Variants in ETV6 observed in about 807,000 individuals in gnomAD.
ETV6 encodes ETS variant transcription factor 6.
ETV6 carries 16 observed loss-of-function variants against 51.1 expected under a neutral mutation model. The observed-to-expected ratio is 0.31, with a 90% confidence interval of 0.21 to 0.48. The LOEUF is 0.48. Among genes scored for constraint, ETV6 ranks in the 20% least tolerant of loss-of-function variants. The pLI is 0.99. For missense variants in ETV6, 458 were observed against 594.8 expected (o/e 0.77, Z 2.39); for synonymous variants, 240 against 224.1 (o/e 1.07, Z -0.64).
intron 1 of ETV6, among the ~76,000 whole-genome samples, chr12:11,655,355 A>G (rs900504712): frequency 5.3e-5 from 8 of 152,194 alleles, no homozygotes; most frequent in African/African-American, 1.9e-4. Flanking sequence ...GTTGAATAGA[A>G]TGAGTGTGCA....
At chr12:11,848,680 G>A (rs116640279) in intron 3 of ETV6, among the ~76,000 whole-genome samples, 74 of 152,332 alleles carry the variant, frequency 4.9e-4, no homozygotes, top group African/African-American at 1.6e-3. Context: ...TGAGGCTTAC[G>A]GTTTGGGCAA....
chr12:11,806,420 A>G (rs1945830607), intron 2 of ETV6, among the ~76,000 whole-genome samples: 1 of 152,250 alleles, frequency 6.6e-6, no homozygotes, highest in South Asian at 2.1e-4. Context: ...ATACTGCAAA[A>G]TGAATGCTGC....
intron 1 of ETV6, 107 bp downstream of exon 1, chr12:11,650,267 C>T (rs1467119826): frequency 9.0e-6 from 9 of 999,714 alleles, no homozygotes; most frequent in Non-Finnish European, 1.3e-5. Flanking sequence ...GCTCTGTTCG[C>T]AGGAAATTAT....
chr12:11,761,725 C>G (rs186272146), intron 2 of ETV6, among the ~76,000 whole-genome samples: 57 of 152,352 alleles, frequency 3.7e-4, no homozygotes, highest in African/African-American at 1.1e-3. Context: ...TTCTACGTGG[C>G]TGATTACTTG....
chr12:11,662,536 C>T (rs1187552547), intron 1 of ETV6, among the ~76,000 whole-genome samples: 1 of 152,194 alleles, frequency 6.6e-6, no homozygotes, highest in Admixed American at 6.5e-5. Context: ...GAAAGTTGGT[C>T]TGTGTACATT....
chr12:11,866,382 A>C (rs893014242), intron 4 of ETV6, among the ~76,000 whole-genome samples: 4 of 152,008 alleles, frequency 2.6e-5, no homozygotes, highest in Non-Finnish European at 4.4e-5. Flanking sequence ...TTTCCTCCTT[A>C]TTATGAGTCA....
intron 1 of ETV6, among the ~76,000 whole-genome samples, chr12:11,738,851 T>A (rs1865757875): frequency 6.6e-6 from 1 of 152,174 alleles, no homozygotes; most frequent in Non-Finnish European, 1.5e-5. Flanking sequence ...TAGAAACAAG[T>A]CATATCCAAA....
chr12:11,809,597 G>T (rs758896079), intron 2 of ETV6, among the ~76,000 whole-genome samples: 3 of 152,116 alleles, frequency 2.0e-5, no homozygotes, highest in Non-Finnish European at 4.4e-5. Context: ...AAATGGGGAA[G>T]CCAGGAGATA....
intron 2 of ETV6, among the ~76,000 whole-genome samples, chr12:11,790,825 G>C (rs758706302): frequency 6.6e-6 from 1 of 151,764 alleles, no homozygotes; most frequent in East Asian, 1.9e-4. Context: ...TCACAGGCGC[G>C]CGCCACCACA....
intron 1 of ETV6, among the ~76,000 whole-genome samples, chr12:11,720,354 T>C (rs17818498): frequency 0.29 from 43,586 of 152,114 alleles, 6,740 homozygotes; most frequent in East Asian, 0.37. Context: ...AAGGCAACTC[T>C]GTGTTCAGCT....
At chr12:11,716,524 T>C (rs900328389) in intron 1 of ETV6, 2 of 152,210 alleles carry the variant, frequency 1.3e-5, no homozygotes, top group East Asian at 3.9e-4. Flanking sequence ...GGTTCACTTT[T>C]GGCTGAAGTT....
At chr12:11,713,741 T>G (rs1019315887) in intron 1 of ETV6, among the ~76,000 whole-genome samples, 6 of 152,264 alleles carry the variant, frequency 3.9e-5, no homozygotes, top group Non-Finnish European at 7.3e-5. Context: ...TATTTATTTC[T>G]GTCTACATCC....
At chr12:11,814,369 T>C (rs1055709014) in intron 2 of ETV6, among the ~76,000 whole-genome samples, 99 of 152,338 alleles carry the variant, frequency 6.5e-4, no homozygotes, top group African/African-American at 2.2e-3. Context: ...ATTTTTTTTT[T>C]CAATACTTTG....
intron 2 of ETV6, among the ~76,000 whole-genome samples, chr12:11,787,825 C>T (rs1945511688): frequency 6.6e-6 from 1 of 151,916 alleles, no homozygotes; most frequent in East Asian, 1.9e-4. Flanking sequence ...GCCCTAAGCC[C>T]AAGTTGTATC....
chr12:11,839,129 C>G lies in ETV6; in HGVS notation c.164-11C>G. The G allele has an allele frequency of 1.9e-6, 3 of 1,611,886 alleles. No homozygotes were observed. Among genetic ancestry groups the G allele is most frequent in the South Asian group, 1.1e-5 (1 of 90,910 alleles). On this transcript the variant is annotated splice_polypyrimidine_tract_variant and intron_variant, in intron 2 of 7. Transcript: ENST00000396373. The stretch of plus-strand genomic sequence containing the variant: ...TCTCTCTTTCTTTCTGCCTCATGCT[C>G]TCTCCAACAGGCTTGCAGCCAATTT...
chr12:11,889,145 A>C (rs964185644), intron 7 of ETV6, among the ~76,000 whole-genome samples: 1 of 152,146 alleles, frequency 6.6e-6, no homozygotes, highest in African/African-American at 2.4e-5. Context: ...ACATCTGTGG[A>C]GTTGGCTTAG....
At chr12:11,831,082 A>C (rs1036455774) in intron 2 of ETV6, among the ~76,000 whole-genome samples, 1 of 152,210 alleles carries the variant, frequency 6.6e-6, no homozygotes, top group Non-Finnish European at 1.5e-5. Context: ...ATCCTGACTT[A>C]TCAACTGCAT....
At chr12:11,791,804 G>T (rs1945598693) in intron 2 of ETV6, among the ~76,000 whole-genome samples, 1 of 152,018 alleles carries the variant, frequency 6.6e-6, no homozygotes, top group East Asian at 1.9e-4. Context: ...AATTTTCCAA[G>T]AGTTTTATCT....
intron 2 of ETV6, among the ~76,000 whole-genome samples, chr12:11,807,428 G>A (rs1411556133): frequency 2.0e-5 from 3 of 152,122 alleles, no homozygotes; most frequent in Non-Finnish European, 2.9e-5. Context: ...ATACATGCAC[G>A]GTCAGAAAAC....
Sources: gnomAD v4.1 joint callset for allele counts (sites outside exome capture counted in the v4.1 genomes callset) on GRCh38, gnomAD v4.1.1 for gene constraint, MANE v1.5 for transcripts, NCBI Gene and HGNC (gene_info 2026-07-23, HGNC 2026-07-21) for gene names.